GCKR: variants seen among roughly 807,000 people sequenced by gnomAD.
GCKR encodes the protein glucokinase regulatory protein.
GCKR carries 73 observed loss-of-function variants against 82.9 expected under a neutral mutation model. The observed-to-expected ratio is 0.88, with a 90% CI of 0.73 to 1.07. The LOEUF (loss-of-function observed/expected upper bound fraction) is 1.07, where lower values mean the gene tolerates loss of function less well. Among genes scored for constraint, GCKR ranks in the 50% least tolerant of loss-of-function variants. GCKR has a pLI of 0.00. For missense variants in GCKR, 784 were observed against 782.1 expected, an observed-to-expected ratio of 1.00 and a Z score of -0.03; for synonymous variants, 294 against 291.8, an observed-to-expected ratio of 1.01 and a Z score of -0.08.
rs116750187 is a variant in GCKR at position 27,507,528 on chromosome 2, C to T, written c.1144-153C>T. Reference sequence around the variant, plus strand: ...TTGGCCCTAGTCCACTGACTTGTTACATAATCTTGGGCAAAACACTGTACC... The same window carrying T: ...TTGGCCCTAGTCCACTGACTTGTTATATAATCTTGGGCAAAACACTGTACC... On this transcript the variant is annotated intron_variant, in intron 13 of 18. Transcript: ENST00000264717. 1,115 of 685,130 alleles carry T rather than the reference C, an allele frequency of 1.6e-3. 11 individuals are homozygous for T. The African/African-American group carries it at 0.018, about 11-fold the overall frequency. The allele number at this position is 685,130 out of a possible 1,614,324, so 42.4% of individuals were successfully genotyped here.
At chr2:27,517,650 A>T (rs1670042791) in intron 16 of GCKR, among the ~76,000 whole-genome samples, 1 of 152,160 alleles carries the variant, frequency 6.6e-6, no homozygotes, top group East Asian at 1.9e-4. Context: ...ATCACCAGTT[A>T]ATTAATCCCC....
rs768653085 is a variant in GCKR, at chr2:27,523,332, C to G, written c.1771C>G (p.Leu591Val). The G allele has an allele frequency of 1.9e-5, 30 of 1,612,952 alleles. No individual in the cohort carries two copies. The Middle Eastern group carries it at 4.9e-4, about 27-fold the overall frequency. Residue 591 changes from leucine to valine, a missense_variant, in exon 19 of 19, where the codon CTG becomes GTG. By Grantham distance (32) the Leu-to-Val change is conservative (BLOSUM62 1). Transcript: ENST00000264717. ...CTCGATCACTGAGGCTCAGGCACAC[C>G]TGGCTGCAGCTCCTTCTGTCTGTGA... ...RCSITEAQAH[L>V]AAAPSVCEAV... is the part of the protein sequence containing the mutation.
At chr2:27,500,588 T>C (rs2148580189) in intron 7 of GCKR, among the ~76,000 whole-genome samples, 1 of 152,238 alleles carries the variant, frequency 6.6e-6, no homozygotes, top group East Asian at 1.9e-4. Context: ...TACAGAAAAA[T>C]ATGGCCCCTG....
intron 16 of GCKR, among the ~76,000 whole-genome samples, chr2:27,508,552 A>C (rs1054083932): frequency 6.6e-6 from 1 of 152,060 alleles, no homozygotes; most frequent in Non-Finnish European, 1.5e-5. Flanking sequence ...ACAGAGTCTC[A>C]CTCTGTCGCC....
chr2:27,518,475 CT>C (rs1319089517), intron 16 of GCKR, among the ~76,000 whole-genome samples: 3 of 152,220 alleles, frequency 2.0e-5, no homozygotes, highest in Non-Finnish European at 4.4e-5. Flanking sequence ...CCCACTCCTC[CT>C]GTCTGATACC....
chr2:27,499,492 G>A lies in GCKR; in HGVS notation c.549+42G>A, dbSNP rs1669520244. The A allele has an allele frequency of 3.2e-6, 4 of 1,251,292 alleles. No individual in the cohort carries two copies. In the South Asian group the frequency reaches 3.6e-5, roughly 11 times the overall value. 77.5% of individuals were successfully genotyped at this position (1,251,292 alleles called of 1,614,324 possible). On this transcript the variant is annotated intron_variant, in intron 7 of 18. Transcript: ENST00000264717. ...GTTGAGTGGATCAATTTTAGAGAGA[G>A]GAAGTGAGTGGGAATGGAATAGCAT...
chr2:27,497,147 T>TC (rs1170965860), intron 1 of GCKR, 97 bp from the exon 2 acceptor site: 1 of 1,448,980 alleles, frequency 6.9e-7, no homozygotes, highest in Admixed American at 1.7e-5. Context: ...TGTGTGTAAG[T>TC]CCAAACTCTG....
intron 14 of GCKR, 71 bp from the exon 15 acceptor site, chr2:27,507,906 C>G: frequency 1.6e-6 from 2 of 1,237,452 alleles, no homozygotes; most frequent in Non-Finnish European, 2.4e-6. Flanking sequence ...CTGACTGGAC[C>G]CCAGCCAGGG....
chr2:27,513,180 G>T (rs1669930069), intron 16 of GCKR, among the ~76,000 whole-genome samples: 1 of 152,114 alleles, frequency 6.6e-6, no homozygotes, highest in African/African-American at 2.4e-5. Flanking sequence ...TTTCAATGGT[G>T]ATTTTCTATT....
chr2:27,497,580 A>G lies in GCKR; in HGVS notation c.235A>G (p.Ile79Val). ...CCTACAGAGACTCTACAGCGAATCC[A>G]TTCTGACCACCATGGTACAGGTGGC... is the stretch of plus-strand genomic sequence containing the variant. The part of the protein sequence containing the change: ...STYQRLYSES[I>V]LTTMVQVAGK... The change falls in exon 3 of 19, where the codon ATT (isoleucine) becomes GTT (valine). Residue 79 changes from isoleucine (I) to valine (V), a missense_variant. Physicochemically the swap from Ile to Val is conservative, Grantham distance 29. Coordinates refer to ENST00000264717, the MANE Select transcript of GCKR (RefSeq NM_001486.4). 1 of 1,612,972 alleles carries G rather than the reference A, an allele frequency of 6.2e-7. No homozygotes were observed. The highest frequency in any genetic ancestry group is 1.1e-5 in the South Asian group (1 of 91,034).
At chr2:27,506,166 AC>A (rs1358943449) in intron 10 of GCKR, among the ~76,000 whole-genome samples, 1 of 151,974 alleles carries the variant, frequency 6.6e-6, no homozygotes, top group Admixed American at 6.5e-5. Flanking sequence ...CCTACTCTGG[AC>A]CTGCCTCCCT....
chr2:27,506,522 A>T lies in GCKR; in HGVS notation c.911A>T (p.Gln304Leu). The T allele has an allele frequency of 6.2e-7, 1 of 1,613,964 alleles. No homozygotes were observed. Among genetic ancestry groups the T allele is most frequent in the South Asian group, 1.1e-5 (1 of 91,078 alleles). ...TTGCGGACATTTGAGCGAGCTCATC[A>T]GGTGACCTACAGCCAAAGCCCCAAG... is the stretch of plus-strand genomic sequence containing the variant. ...EILRTFERAH[Q>L]VTYSQSPKIA... Residue 304 changes from glutamine to leucine, a missense_variant, in exon 11 of 19, where the codon CAG becomes CTG. Gln to Leu is a moderately radical substitution (Grantham distance 113, BLOSUM62 -2). Transcript: ENST00000264717.
At position 27,505,810 on chromosome 2, in the gene GCKR, G is replaced by A. The variant is rs776474871; in HGVS notation, c.843G>A (p.Val281=). 3.8e-6 allele frequency: 6 copies of A among 1,591,384 alleles called. No individual in the cohort carries two copies. In the East Asian group the frequency reaches 1.3e-4, roughly 36 times the overall value. ...TGTTATTAGCAGCCCATAAGACTGTGGACCAGGGCATTGCAGCATCTCAAA... is the reference window on the plus strand; with the variant it reads ...TGTTATTAGCAGCCCATAAGACTGTAGACCAGGGCATTGCAGCATCTCAAA... ...ETLLLAAHKT[V]DQGIAASQRC... Residue 281 remains valine, a synonymous_variant, in exon 10 of 19, where the codon GTG becomes GTA. Coordinates refer to ENST00000264717, the MANE Select transcript of GCKR (RefSeq NM_001486.4).
intron 16 of GCKR, among the ~76,000 whole-genome samples, chr2:27,517,176 G>A (rs1278662696): frequency 6.6e-6 from 1 of 151,918 alleles, no homozygotes; most frequent in African/African-American, 2.4e-5. Context: ...ACCATGCCTG[G>A]CTAATTTTTG....
rs778637106 is a variant in GCKR at position 27,503,520 on chromosome 2, C to A, written c.651C>A (p.Asp217Glu). The A allele has an allele frequency of 5.1e-6, 8 of 1,561,430 alleles. No individual in the cohort carries two copies. In the African/African-American group the frequency reaches 9.5e-5, roughly 18 times the overall value. Residue 217 changes from aspartate (D) to glutamate (E), a missense_variant, in exon 9 of 19, where the codon GAC becomes GAA. Transcript: ENST00000264717. ...GFNPVSMARN[D>E]PIEDWSSTFR... is the part of the protein sequence containing the mutation. ...GTGTCTCTCTGGACCTCAGAAATGA[C>A]CCCATTGAAGACTGGAGTTCAACAT...
chr2:27,503,743 T>C lies in GCKR; in HGVS notation c.750+124T>C, dbSNP rs556306605. 119 of 693,340 alleles carry C rather than the reference T, an allele frequency of 1.7e-4. 2 individuals carry two copies. The South Asian group carries it at 1.8e-3, about 11-fold the overall frequency. 42.9% of individuals were successfully genotyped at this position (693,340 alleles called of 1,614,324 possible). A position where few individuals can be genotyped will look rare whatever the true frequency, so the allele number is the denominator to read the frequency against. On this transcript the variant is annotated intron_variant, in intron 9 of 18. Transcript: ENST00000264717. ...GTTTAAATTCCTGAGGTATTGTGAG[T>C]CAGCTAAAATGTTATAAACCAAATC...
chr2:27,518,635 ACAT>A (rs1670068137), intron 16 of GCKR, among the ~76,000 whole-genome samples, 150 bp from the exon 17 acceptor site: 1 of 152,174 alleles, frequency 6.6e-6, no homozygotes, highest in Non-Finnish European at 1.5e-5. Context: ...TATTGCCCTA[ACAT>A]TTAAACGCTG....
chr2:27,500,021 CAA>C (rs1345583185), intron 7 of GCKR, among the ~76,000 whole-genome samples: 1 of 151,968 alleles, frequency 6.6e-6, no homozygotes, highest in Non-Finnish European at 1.5e-5. Flanking sequence ...CTCAGCCTCT[CAA>C]AGTGCTGGGA....
chr2:27,499,871 C>A lies in GCKR; in HGVS notation c.549+421C>A, dbSNP rs1446550892. On this transcript the variant is annotated intron_variant, in intron 7 of 18. Transcript: ENST00000264717. ...CTCCCAGGTTCAAGCGATTCTCCTG[C>A]CTCAGCCTCCCGAAAAGCTGGGATC... 3.9e-5 allele frequency among the ~76,000 whole-genome samples: 6 copies of A among 151,952 alleles called. 1 individual carries two copies. Among genetic ancestry groups the A allele is most frequent in the Admixed American group, 1.3e-4 (2 of 15,248 alleles).
Sources: allele counts gnomAD v4.1 joint callset (sites outside exome capture counted in the v4.1 genomes callset), GRCh38; gene constraint gnomAD v4.1.1; transcripts MANE v1.5; gene names NCBI Gene and HGNC (gene_info 2026-07-23, HGNC 2026-07-21).